The following CBLC variants were observed in gnomAD, a reference collection of about 807,000 sequenced individuals.
CBLC encodes the protein E3 ubiquitin-protein ligase CBL-C.
Under a neutral mutation model 58.6 loss-of-function variants are expected in CBLC, and 46 were observed. The ratio of observed to expected loss-of-function variants is 0.79; its 90% CI spans 0.62 to 1.00. The LOEUF (loss-of-function observed/expected upper bound fraction) is 1.00. Ranked by LOEUF, CBLC falls within the 50% of genes least tolerant of loss-of-function variation. The pLI is 0.00. For synonymous variants in CBLC, 271 were observed against 264.2 expected (o/e 1.03, Z -0.25); for missense variants, 655 against 625.8 (o/e 1.05, Z -0.50).
chr19:44,786,768 A>G (rs990610275), intron 5 of CBLC, among the ~76,000 whole-genome samples: 5 of 152,028 alleles, frequency 3.3e-5, no homozygotes, highest in Admixed American at 2.0e-4. Flanking sequence ...TCACTTAGGA[A>G]CAGGAGACAA....
intron 5 of CBLC, among the ~76,000 whole-genome samples, chr19:44,785,956 T>G (rs1010719415): frequency 6.6e-6 from 1 of 151,526 alleles, no homozygotes; most frequent in African/African-American, 2.4e-5. Flanking sequence ...ACAAAAAAAT[T>G]TTATTGTATA....
chr19:44,798,842 C>T (rs575509340), intron 9 of CBLC, among the ~76,000 whole-genome samples: 12 of 152,274 alleles, frequency 7.9e-5, no homozygotes, highest in African/African-American at 2.9e-4. Flanking sequence ...GGGGATCTGA[C>T]TCTTCCCCAC....
At chr19:44,788,229 C>T (rs914078170) in intron 5 of CBLC, among the ~76,000 whole-genome samples, 2 of 152,012 alleles carry the variant, frequency 1.3e-5, no homozygotes, top group African/African-American at 2.4e-5. Flanking sequence ...GGGATTCTCT[C>T]GCTTCAGCCT....
At chr19:44,781,164 T>A (rs766214223) in intron 2 of CBLC, 43 bp from the exon 3 acceptor site, 39 of 1,585,844 alleles carry the variant, frequency 2.5e-5, no homozygotes, top group Non-Finnish European at 3.3e-5. Flanking sequence ...TCATAGGCTC[T>A]GGGAGGCCTC....
At chr19:44,782,147 G>A (rs543953884) in intron 3 of CBLC, among the ~76,000 whole-genome samples, 18 of 141,588 alleles carry the variant, frequency 1.3e-4, no homozygotes, top group South Asian at 2.3e-4. Context: ...TTGAGGGAGG[G>A]GAGGGCTGGG....
rs928424019 is a variant in CBLC at position 44,793,676 on chromosome 19, G to A, written c.1284+56G>A. On this transcript the variant is annotated intron_variant, in intron 8 of 10. Coordinates refer to ENST00000647358, the MANE Select transcript of CBLC (RefSeq NM_012116.4). Reference sequence around the variant, plus strand: ...AAATTCCTGAGGCCTGAGTGGGGAGGGACTGGAGCCTGGACTCCTGGGTCT... The same window carrying A: ...AAATTCCTGAGGCCTGAGTGGGGAGAGACTGGAGCCTGGACTCCTGGGTCT... The A allele has an allele frequency of 2.6e-5, 40 of 1,515,384 alleles. No homozygotes were observed. The African/African-American group carries it at 5.5e-4, about 21-fold the overall frequency. The allele number at this position is 1,515,384 out of a possible 1,614,324, so 93.9% of individuals were successfully genotyped here. A position where few individuals can be genotyped will look rare whatever the true frequency, so the allele number is the denominator to read the frequency against.
intron 9 of CBLC, among the ~76,000 whole-genome samples, chr19:44,797,298 T>C (rs1240700704): frequency 6.6e-6 from 1 of 152,102 alleles, no homozygotes; most frequent in African/African-American, 2.4e-5. Context: ...TCACCCAGGC[T>C]GGAGTGCAGT....
In CBLC at chr19:44,800,642, G is replaced by T. The variant is rs961261053; in HGVS notation, c.*99G>T. Reference sequence around the variant, plus strand: ...TGCCAAGCCTGGTCTGTCCTCCAGGGTGCAAAGGAAGAGTGCAGTGGCCAG... The same window carrying T: ...TGCCAAGCCTGGTCTGTCCTCCAGGTTGCAAAGGAAGAGTGCAGTGGCCAG... On this transcript the variant is annotated 3_prime_UTR_variant, in exon 11 of 11. Transcript: ENST00000647358. 1.7e-5 allele frequency: 9 copies of T among 535,438 alleles called. No individual in the cohort carries two copies. The highest frequency in any genetic ancestry group is 3.0e-5 in the Non-Finnish European group (9 of 300,100). 33.2% of individuals were successfully genotyped at this position (535,438 alleles called of 1,614,324 possible).
intron 5 of CBLC, 143 bp from the exon 6 acceptor site, chr19:44,789,861 A>G (rs1968000293): frequency 1.5e-6 from 1 of 662,822 alleles, no homozygotes; most frequent in African/African-American, 1.8e-5. Flanking sequence ...GTGGAGGGAA[A>G]ATAAGCCCAG....
upstream of CBLC, chr19:44,777,887 C>T: frequency 1.4e-6 from 2 of 1,466,456 alleles, no homozygotes; most frequent in Non-Finnish European, 1.8e-6. Flanking sequence ...CGAGGCCGCC[C>T]CTATCCCAGC....
intron 9 of CBLC, among the ~76,000 whole-genome samples, chr19:44,794,616 C>G (rs1054044451): frequency 2.6e-5 from 4 of 151,676 alleles, no homozygotes; most frequent in Non-Finnish European, 5.9e-5. Context: ...AGGCACCCAC[C>G]ACCATGCCCC....
In CBLC at chr19:44,782,461, G is replaced by A. The variant is rs147316311; in HGVS notation, c.749G>A (p.Arg250His). 3.5e-5 allele frequency: 56 copies of A among 1,613,796 alleles called. No homozygotes were observed. Among genetic ancestry groups the A allele is most frequent in the Non-Finnish European group, 3.8e-5 (45 of 1,179,824 alleles). Residue 250 changes from arginine (R) to histidine (H), a missense_variant, in exon 4 of 11, where the codon CGT (arginine) becomes CAT (histidine). Around this residue, in one of 3 missense-constraint regions of CBLC, gnomAD observed 371 missense variants for 370.8 expected, o/e 1.00. Transcript: ENST00000647358. The stretch of plus-strand genomic sequence containing the variant: ...CTCACCTATGATGAGGTCCAAGAGC[G>A]TCTGCAGGCCTGCAGGGACAAGCCA... ...AFLTYDEVQERLQACRDKPGS... is the reference protein window; with the variant it reads ...AFLTYDEVQEHLQACRDKPGS...
chr19:44,797,920 T>C (rs1968212796), intron 9 of CBLC, among the ~76,000 whole-genome samples: 1 of 138,592 alleles, frequency 7.2e-6, no homozygotes, highest in South Asian at 2.4e-4. Flanking sequence ...TTTAAATTTT[T>C]TGAGCAGTGA....
In CBLC at chr19:44,778,123, G is replaced by A. The variant is rs937514313; in HGVS notation, c.192G>A (p.Ala64=). The A allele has an allele frequency of 2.0e-5, 32 of 1,597,266 alleles. No individual in the cohort carries two copies. The highest frequency in any genetic ancestry group is 2.6e-5 in the Non-Finnish European group (30 of 1,175,328). ...GAGAGGTGGCCCATTCTCGGCGGGC[G>A]GCCGGCGGAGGCGGCCCCGGGGGTC... is the stretch of plus-strand genomic sequence containing the variant. The part of the protein sequence containing the change: ...LLREVAHSRR[A]AGGGGPGGPG... Residue 64 remains alanine, a synonymous_variant, in exon 1 of 11, where the codon GCG becomes GCA. Transcript: ENST00000647358.
chr19:44,793,266 C>G (rs1217776015), intron 7 of CBLC, among the ~76,000 whole-genome samples: 3 of 152,166 alleles, frequency 2.0e-5, no homozygotes, highest in Non-Finnish European at 4.4e-5. Context: ...CCCTCCTGAC[C>G]TCGGCTCTGG....
At chr19:44,783,931 C>T (rs530201103) in intron 4 of CBLC, among the ~76,000 whole-genome samples, 2 of 152,306 alleles carry the variant, frequency 1.3e-5, no homozygotes, top group South Asian at 4.1e-4. Context: ...ACACTTGCAG[C>T]GAAAGTCCCA....
chr19:44,792,399 A>G lies in CBLC; in HGVS notation c.1022A>G (p.Tyr341Cys), dbSNP rs961495774. 19 of 1,613,460 alleles carry G rather than the reference A, an allele frequency of 1.2e-5. No homozygotes were observed. Among genetic ancestry groups the G allele is most frequent in the African/African-American group, 2.7e-5 (2 of 74,892 alleles). The change falls in exon 7 of 11, where the codon TAC (tyrosine) becomes TGC (cysteine). Residue 341 changes from tyrosine (Y) to cysteine (C), a missense_variant. Physicochemically the swap from Tyr to Cys is radical, Grantham distance 194 (BLOSUM62 -2). This residue lies in a region of CBLC where 371 missense variants were observed against 370.8 expected (regional missense o/e 1.00). Transcript: ENST00000647358. Reference protein sequence around the residue: ...IHVSEEQLQLYWAMDSTFELC... With the variant: ...IHVSEEQLQLCWAMDSTFELC... ...ACCTGCCAGGAGCAGCTGCAGCTCT[A>G]CTGGGCCATGGACTCCACATTTGAG...
chr19:44,791,125 GA>G (rs201352566), intron 6 of CBLC, among the ~76,000 whole-genome samples: 3,558 of 140,314 alleles, frequency 0.025, 125 homozygotes, highest in Admixed American at 0.088. Flanking sequence ...TCTCAAGAAA[GA>G]AAAAAAAAAA....
chr19:44,791,208 A>C (rs1385310660), intron 6 of CBLC, among the ~76,000 whole-genome samples: 1 of 151,368 alleles, frequency 6.6e-6, no homozygotes, highest in Non-Finnish European at 1.5e-5. Flanking sequence ...TGGGAGGCTG[A>C]GGCGGGTGGA....
Sources: gnomAD v4.1 joint callset for allele counts (sites outside exome capture counted in the v4.1 genomes callset) on GRCh38, gnomAD v4.1.1 for gene constraint, gnomAD v4.1.1 regional missense constraint, MANE v1.5 for transcripts, NCBI Gene and HGNC (gene_info 2026-07-23, HGNC 2026-07-21) for gene names.